The following ABCA5 variants were observed in gnomAD, a reference collection of about 807,000 sequenced individuals.
The protein encoded by ABCA5 is cholesterol transporter ABCA5.
ABCA5 carries 163 observed loss-of-function variants against 206.0 expected under a neutral mutation model. The ratio of observed to expected loss-of-function variants is 0.79; its 90% CI spans 0.70 to 0.90. The LOEUF (loss-of-function observed/expected upper bound fraction) is 0.90. Ranked by LOEUF, ABCA5 falls within the 40% of genes least tolerant of loss-of-function variation. The pLI is 0.00. For missense variants in ABCA5, 1,859 were observed against 1,912.9 expected, an observed-to-expected ratio of 0.97 and a Z score of 0.53; for synonymous variants, 609 against 613.8, an observed-to-expected ratio of 0.99 and a Z score of 0.11.
At chr17:69,315,398 G>T (rs1475050959) in intron 1 of ABCA5, 1 of 152,220 alleles carries the variant, frequency 6.6e-6, no homozygotes, top group Non-Finnish European at 1.5e-5. Flanking sequence ...CTGGTTGACA[G>T]CCTGCTAAGA....
At chr17:69,256,362 G>A in intron 28 of ABCA5, 79 bp from the exon 29 acceptor site, 1 of 844,796 alleles carries the variant, frequency 1.2e-6, no homozygotes, top group South Asian at 3.0e-5. Flanking sequence ...ACTAGGTAGA[G>A]AAAAGACTGA....
rs2074959993 is a variant in ABCA5, at chr17:69,247,110, CA to C, written c.*426del. 1 of 152,104 alleles carries C rather than the reference CA, an allele frequency of 6.6e-6. No homozygotes were observed. The highest frequency in any genetic ancestry group is 1.5e-5 in the Non-Finnish European group (1 of 67,920). 9.4% of individuals were successfully genotyped at this position (152,104 alleles called of 1,614,324 possible). ...TTAAAAAGGAGAAGCAAGAAACTTT[CA>C]CATTGCTTTATGTATCTTTTCTATG... On this transcript the variant is annotated 3_prime_UTR_variant, in exon 39 of 39. Coordinates refer to ENST00000392676, the MANE Select transcript of ABCA5 (RefSeq NM_172232.4).
chr17:69,303,827 T>C (rs55918509), intron 7 of ABCA5, among the ~76,000 whole-genome samples: 394 of 10,158 alleles, frequency 0.039, 76 homozygotes, highest in African/African-American at 0.044. Context: ...TATATATATG[T>C]ATATATATAT....
At chr17:69,305,695 C>A (rs565123210) in intron 6 of ABCA5, among the ~76,000 whole-genome samples, 1 of 152,134 alleles carries the variant, frequency 6.6e-6, no homozygotes, top group East Asian at 1.9e-4. Context: ...CATGGCGAGA[C>A]CCCCGTCCCT....
In ABCA5 at chr17:69,297,368, T is replaced by C. The variant is rs2075595226; in HGVS notation, c.1268-9A>G. On this transcript the variant is annotated splice_polypyrimidine_tract_variant and intron_variant, in intron 9 of 38. Coordinates refer to ENST00000392676, the MANE Select transcript of ABCA5 (RefSeq NM_172232.4). ...CCGTAAGCCAAATTCCCCTGAAAAATAAACATTAAAAAACTGAGTTACCAT... is the reference window on the plus strand; with the variant it reads ...CCGTAAGCCAAATTCCCCTGAAAAACAAACATTAAAAAACTGAGTTACCAT... The C allele has an allele frequency of 6.3e-7, 1 of 1,578,840 alleles. No homozygotes were observed. The highest frequency in any genetic ancestry group is 2.1e-5 in the Admixed American group (1 of 48,764).
intron 9 of ABCA5, among the ~76,000 whole-genome samples, chr17:69,298,221 AAGGTAGGT>A (rs757307976): frequency 3.3e-4 from 23 of 69,012 alleles, no homozygotes; most frequent in South Asian, 6.1e-4. Flanking sequence ...GGAAGGAAGG[AAGGTAGGT>A]AGGAAGGAAG....
At chr17:69,270,307 T>G (rs1435831007) in intron 22 of ABCA5, among the ~76,000 whole-genome samples, 2 of 152,092 alleles carry the variant, frequency 1.3e-5, no homozygotes, top group Non-Finnish European at 2.9e-5. Flanking sequence ...CAATACCCAA[T>G]ACCTGGATTT....
chr17:69,318,962 T>C (rs1449456964), intron 1 of ABCA5: 3 of 569,872 alleles, frequency 5.3e-6, no homozygotes, highest in East Asian at 6.8e-5. Context: ...GGAACAAGTA[T>C]AAATAATGGC....
Position 69,254,300 on chromosome 17 carries a change from A to G in ABCA5, c.4244+15T>C. ...CCTCTAAGTAACAAAAGGAATCTAA[A>G]GACAATTATTTTACCGACTTATGAC... On this transcript the variant is annotated intron_variant, in intron 32 of 38. Coordinates refer to ENST00000392676, the MANE Select transcript of ABCA5 (RefSeq NM_172232.4). 6.3e-7 allele frequency: 1 copy of G among 1,580,910 alleles called. No homozygotes were observed. Among genetic ancestry groups the G allele is most frequent in the Non-Finnish European group, 8.6e-7 (1 of 1,162,128 alleles).
At position 69,289,270 on chromosome 17, in the gene ABCA5, G is replaced by A; in HGVS notation, c.1809C>T (p.Asp603=). The stretch of plus-strand genomic sequence containing the variant: ...CTTGGTTATCTTTGATAGTCTGCAT[G>A]TCTAAATCTAGTAAAACCTTCTGCA... The part of the protein sequence containing the change: ...QEVQKVLLDL[D]MQTIKDNQAK... Residue 603 remains aspartate, a synonymous_variant, in exon 14 of 39, where the codon GAC becomes GAT. Transcript: ENST00000392676. The A allele has an allele frequency of 6.3e-7, 1 of 1,597,388 alleles. No individual in the cohort carries two copies. The highest frequency in any genetic ancestry group is 1.2e-5 in the South Asian group (1 of 86,898).
Position 69,287,209 on chromosome 17 carries a change from A to G in ABCA5, c.2041+404T>C, listed in dbSNP as rs559968246. Among the ~76,000 whole-genome samples, 54 of 152,338 alleles carry G rather than the reference A, an allele frequency of 3.5e-4. 1 individual carries two copies. Among genetic ancestry groups the G allele is most frequent in the Non-Finnish European group, 7.2e-4 (49 of 68,024 alleles). ...ACTTTCCCAAGTAGATATTTCACAC[A>G]TGTTGTTACAACTCAATGCTGAAGA... On this transcript the variant is annotated intron_variant, in intron 15 of 38. Transcript: ENST00000392676.
intron 18 of ABCA5, 94 bp downstream of exon 18, chr17:69,283,858 CT>C (rs1181608095): frequency 3.9e-6 from 5 of 1,276,602 alleles, no homozygotes; most frequent in Non-Finnish European, 5.2e-6. Flanking sequence ...ACCCTTTATT[CT>C]AAAAAAAATA....
chr17:69,314,582 A>C, intron 1 of ABCA5, 152 bp from the exon 2 acceptor site: 1 of 542,706 alleles, frequency 1.8e-6, no homozygotes. Flanking sequence ...GACAGAATGC[A>C]TGGAGCAGCA....
intron 1 of ABCA5, chr17:69,318,887 G>A (rs2075840321): frequency 1.4e-6 from 1 of 698,836 alleles, no homozygotes; most frequent in Admixed American, 1.8e-5. Flanking sequence ...GGCAACTAGT[G>A]GGCAACAGAA....
At chr17:69,286,348 T>C (rs1039700452) in intron 15 of ABCA5, 37 bp from the exon 16 acceptor site, 2 of 1,528,592 alleles carry the variant, frequency 1.3e-6, no homozygotes, top group Non-Finnish European at 1.8e-6. Flanking sequence ...TTCTAAAGTA[T>C]CAACAGCATT....
chr17:69,298,265 A>T (rs1598190620), intron 9 of ABCA5, among the ~76,000 whole-genome samples: 1 of 133,212 alleles, frequency 7.5e-6, no homozygotes, highest in Admixed American at 7.4e-5. Flanking sequence ...GGAAGGAAGG[A>T]AGGAAGGAAG....
intron 15 of ABCA5, 51 bp downstream of exon 15, chr17:69,287,562 C>T: frequency 1.3e-6 from 2 of 1,569,530 alleles, no homozygotes; most frequent in South Asian, 1.2e-5. Flanking sequence ...CTATATCCAT[C>T]TTCCTTTTGG....
intron 28 of ABCA5, among the ~76,000 whole-genome samples, chr17:69,257,650 T>C (rs916548400): frequency 2.0e-5 from 3 of 151,306 alleles, no homozygotes; most frequent in Non-Finnish European, 2.9e-5. Flanking sequence ...GGTTCTTTCA[T>C]ATATGAAAGA....
At chr17:69,257,986 A>G (rs1424836065) in intron 28 of ABCA5, among the ~76,000 whole-genome samples, 2 of 152,116 alleles carry the variant, frequency 1.3e-5, no homozygotes, top group Non-Finnish European at 2.9e-5. Context: ...ATAAATGACA[A>G]GATTATTTAC....
Sources: allele counts gnomAD v4.1 joint callset (sites outside exome capture counted in the v4.1 genomes callset), GRCh38; gene constraint gnomAD v4.1.1; transcripts MANE v1.5; gene names NCBI Gene and HGNC (gene_info 2026-07-23, HGNC 2026-07-21).